The following MMP28 variants were observed in gnomAD, a reference collection of about 807,000 sequenced individuals.
MMP28 encodes the protein matrix metalloproteinase-28.
MMP28 carries 55 observed loss-of-function variants against 60.5 expected under a neutral mutation model. The observed-to-expected ratio is 0.91, with a 90% CI of 0.73 to 1.14. The LOEUF (loss-of-function observed/expected upper bound fraction) is 1.14. Ranked by LOEUF, MMP28 falls within the 50% of genes most tolerant of loss-of-function variation. MMP28 has a pLI of 0.00. For synonymous variants in MMP28, 318 were observed against 312.5 expected, an observed-to-expected ratio of 1.02 and a Z score of -0.18; for missense variants, 686 against 738.3, an observed-to-expected ratio of 0.93 and a Z score of 0.82.
chr17:35,772,813 A>G (rs1352953723), intron 4 of MMP28, among the ~76,000 whole-genome samples: 1 of 152,156 alleles, frequency 6.6e-6, no homozygotes, highest in Non-Finnish European at 1.5e-5. Context: ...AGTGGTGGGC[A>G]GTGGATGTTT....
chr17:35,763,989 C>T (rs782387781), downstream of MMP28: 1 of 1,525,858 alleles, frequency 6.6e-7, no homozygotes, highest in South Asian at 1.2e-5. Flanking sequence ...ACTGCCCTGA[C>T]CTCCTCCCGG....
chr17:35,775,054 G>A (rs1334633026), intron 3 of MMP28, among the ~76,000 whole-genome samples: 1 of 152,148 alleles, frequency 6.6e-6, no homozygotes, highest in African/African-American at 2.4e-5. Context: ...CAGAAGAGGG[G>A]GTGGCGGGCA....
chr17:35,783,467 T>G (rs987082211), intron 1 of MMP28, among the ~76,000 whole-genome samples: 1 of 152,192 alleles, frequency 6.6e-6, no homozygotes, highest in South Asian at 2.1e-4. Flanking sequence ...CCTTGTCCCC[T>G]CCCTTTCCTT....
chr17:35,762,330 T>C (rs1440494099), downstream of MMP28, among the ~76,000 whole-genome samples: 5 of 152,066 alleles, frequency 3.3e-5, no homozygotes, highest in Non-Finnish European at 7.4e-5. Context: ...ACTCCACGAG[T>C]TGTGTCTTCC....
Position 35,766,657 on chromosome 17 carries a change from G to A in MMP28, c.1406C>T (p.Ala469Val). 2 of 1,611,526 alleles carry A rather than the reference G, an allele frequency of 1.2e-6. No individual in the cohort carries two copies. The stretch of plus-strand genomic sequence containing the variant: ...GATGGAGCCATCGGGCCTCGGCAGG[G>A]CGCCGCTGACCTCCTCAGGGATGCC... ...WGGIPEEVSG[A>V]LPRPDGSIIF... Residue 469 changes from alanine to valine, a missense_variant, in exon 8 of 8, where the codon GCC (alanine) becomes GTC (valine). By Grantham distance (64) the Ala-to-Val change is moderately conservative. Coordinates refer to ENST00000605424, the MANE Select transcript of MMP28 (RefSeq NM_024302.5). The surrounding 1 kb of genome is among the most constrained non-coding windows in gnomAD (Gnocchi z 4.3).
intron 2 of MMP28, among the ~76,000 whole-genome samples, chr17:35,759,207 C>T (rs2085773808): frequency 6.6e-6 from 1 of 152,142 alleles, no homozygotes; most frequent in South Asian, 2.1e-4. Flanking sequence ...CAATCAAGAG[C>T]CATGGTGGCT....
chr17:35,766,170 G>T lies in MMP28; in HGVS notation c.*330C>A. Reference sequence around the variant, plus strand: ...TTCATCCCCCTGCTTGGATCCCAGTGCTGTTACCTCTTGAAAGGAACTGTA... The same window carrying T: ...TTCATCCCCCTGCTTGGATCCCAGTTCTGTTACCTCTTGAAAGGAACTGTA... On this transcript the variant is annotated 3_prime_UTR_variant, in exon 8 of 8. Transcript: ENST00000605424. The surrounding 1 kb of genome is among the most constrained non-coding windows in gnomAD (Gnocchi z 4.3). The T allele has an allele frequency of 2.7e-6, 3 of 1,099,202 alleles. No individual in the cohort carries two copies. Among genetic ancestry groups the T allele is most frequent in the East Asian group, 5.4e-5 (1 of 18,574 alleles). The allele number at this position is 1,099,202 out of a possible 1,614,324, so 68.1% of individuals were successfully genotyped here. A position where few individuals can be genotyped will look rare whatever the true frequency, so the allele number is the denominator to read the frequency against.
chr17:35,768,044 C>A, intron 6 of MMP28, 125 bp from the exon 7 acceptor site: 1 of 1,312,800 alleles, frequency 7.6e-7, no homozygotes, highest in Non-Finnish European at 1.0e-6. Context: ...GTACAGTTGG[C>A]GCAGAGGGGA....
chr17:35,785,774 A>T (rs529708541), intron 1 of MMP28, among the ~76,000 whole-genome samples: 1 of 152,216 alleles, frequency 6.6e-6, no homozygotes, highest in East Asian at 1.9e-4. Flanking sequence ...GAGCTCTAAT[A>T]TATATTCCAG....
intron 1 of MMP28, among the ~76,000 whole-genome samples, chr17:35,782,548 T>G (rs942453815): frequency 2.0e-5 from 3 of 152,244 alleles, no homozygotes; most frequent in African/African-American, 7.2e-5. Context: ...ATAAAGTAAC[T>G]TTTCATAGAC....
At chr17:35,787,342 C>T (rs1378249539) in intron 1 of MMP28, among the ~76,000 whole-genome samples, 1 of 152,226 alleles carries the variant, frequency 6.6e-6, no homozygotes, top group African/African-American at 2.4e-5. Context: ...TGCTTTCACC[C>T]TCTGGCTCCT....
chr17:35,779,154 C>A (rs567501377), intron 2 of MMP28, 79 bp from the exon 3 acceptor site: 2 of 1,571,036 alleles, frequency 1.3e-6, no homozygotes, highest in Non-Finnish European at 1.7e-6. Context: ...TGGGGTGTAG[C>A]CAGCCAGGCT....
downstream of MMP28, among the ~76,000 whole-genome samples, chr17:35,763,632 C>T (rs1374597665): frequency 1.3e-5 from 2 of 151,744 alleles, no homozygotes; most frequent in Non-Finnish European, 2.9e-5. Context: ...TGCAGTGACT[C>T]ACGCCTGTAA....
At position 35,770,325 on chromosome 17, in the gene MMP28, C is replaced by T. The variant is rs912343668; in HGVS notation, c.605-13G>A. The stretch of plus-strand genomic sequence containing the variant: ...GCCAGGGCGCCCCCTGCAGGTGGGG[C>T]AGAAGGTCAGGGGGTGCCACGGCCC... On this transcript the variant is annotated splice_polypyrimidine_tract_variant and intron_variant, in intron 4 of 7. Transcript: ENST00000605424. 3 of 1,493,594 alleles carry T rather than the reference C, an allele frequency of 2.0e-6. No homozygotes were observed. Among genetic ancestry groups the T allele is most frequent in the South Asian group, 1.3e-5 (1 of 74,784 alleles). The allele number at this position is 1,493,594 out of a possible 1,614,324, so 92.5% of individuals were successfully genotyped here.
At chr17:35,783,763 G>A (rs981650894) in intron 1 of MMP28, among the ~76,000 whole-genome samples, 2 of 152,078 alleles carry the variant, frequency 1.3e-5, no homozygotes, top group African/African-American at 4.8e-5. Flanking sequence ...GGCAAGACGG[G>A]GTGGAGGGCA....
intron 5 of MMP28, among the ~76,000 whole-genome samples, chr17:35,768,785 G>C (rs2086027039): frequency 6.6e-6 from 1 of 152,168 alleles, no homozygotes; most frequent in Admixed American, 6.5e-5. Context: ...ACGCTAGCCT[G>C]GGTGACAGAG....
intron 1 of MMP28, among the ~76,000 whole-genome samples, chr17:35,786,589 C>T (rs76516697): frequency 0.034 from 5,167 of 151,048 alleles, 316 homozygotes; most frequent in African/African-American, 0.12. Flanking sequence ...CAAAGGATGG[C>T]AAGGCATAGT....
At chr17:35,789,429 T>C (rs1276042387) in intron 1 of MMP28, among the ~76,000 whole-genome samples, 2 of 152,242 alleles carry the variant, frequency 1.3e-5, no homozygotes, top group African/African-American at 4.8e-5. Context: ...CTTTCTTTCC[T>C]GTGCCGTTTT....
chr17:35,777,114 C>G (rs2086354816), intron 3 of MMP28, among the ~76,000 whole-genome samples: 1 of 152,212 alleles, frequency 6.6e-6, no homozygotes, highest in Non-Finnish European at 1.5e-5. Context: ...ACCATCTCTC[C>G]TTTGCAACCT....
Sources: allele counts gnomAD v4.1 joint callset (sites outside exome capture counted in the v4.1 genomes callset), GRCh38; gene constraint gnomAD v4.1.1; non-coding constraint Gnocchi (gnomAD v3.1); transcripts MANE v1.5; gene names NCBI Gene and HGNC (gene_info 2026-07-23, HGNC 2026-07-21).